The following MEP1B variants were observed in gnomAD, a reference collection of about 807,000 sequenced individuals.
MEP1B encodes the protein N-benzoyl-L-tyrosyl-P-amino-benzoic acid hydrolase subunit beta.
Under a neutral mutation model 84.6 loss-of-function variants are expected in MEP1B, and 80 were observed. That is an observed-to-expected ratio of 0.95 (90% CI 0.79 to 1.14). The LOEUF (loss-of-function observed/expected upper bound fraction) is 1.14. Among genes scored for constraint, MEP1B ranks in the 50% most tolerant of loss-of-function variants. MEP1B has a pLI of 0.00. For missense variants in MEP1B, 766 were observed against 855.1 expected, an observed-to-expected ratio of 0.90 and a Z score of 1.30; for synonymous variants, 273 against 288.1, an observed-to-expected ratio of 0.95 and a Z score of 0.53.
In MEP1B at chr18:32,210,597, A is replaced by T; in HGVS notation, c.1016A>T (p.Gln339Leu). Residue 339 changes from glutamine (Q) to leucine (L), a missense_variant, in exon 10 of 15, where the codon CAG becomes CTG. Transcript: ENST00000269202. Reference sequence around the variant, plus strand: ...ACGCTGTACCCTAAAAGAGGATTTCAGTGCCTGCAATTTTACTTATATAAC... The same window carrying T: ...ACGCTGTACCCTAAAAGAGGATTTCTGTGCCTGCAATTTTACTTATATAAC... Reference protein sequence around the residue: ...SRTLYPKRGFQCLQFYLYNSG... With the variant: ...SRTLYPKRGFLCLQFYLYNSG... The T allele has an allele frequency of 6.2e-7, 1 of 1,614,052 alleles. No individual in the cohort carries two copies.
intron 9 of MEP1B, 42 bp from the exon 10 acceptor site, chr18:32,210,459 C>T (rs755732494): frequency 1.3e-6 from 2 of 1,526,948 alleles, no homozygotes; most frequent in Non-Finnish European, 1.8e-6. Context: ...CATTCCTATA[C>T]CCAGTATCTG....
chr18:32,211,306 A>G (rs994915170), intron 10 of MEP1B, among the ~76,000 whole-genome samples: 2 of 152,112 alleles, frequency 1.3e-5, no homozygotes, highest in Non-Finnish European at 2.9e-5. Context: ...TAAAAATAAA[A>G]TACATAAAAA....
Position 32,213,183 on chromosome 18 carries a change from G to C in MEP1B, c.1203G>C (p.Val401=). 2 of 1,614,026 alleles carry C rather than the reference G, an allele frequency of 1.2e-6. No homozygotes were observed. Among genetic ancestry groups the C allele is most frequent in the South Asian group, 1.1e-5 (1 of 91,074 alleles). The change falls in exon 11 of 15, where the codon GTG becomes GTC. Residue 401 remains valine (V), a synonymous_variant. Transcript: ENST00000269202. The part of the protein sequence containing the change: ...TLKVTKKFRV[V]FEGRKGSGAS... ...AAGTGACCAAGAAGTTTAGAGTGGT[G>C]TTTGAAGGACGCAAAGGCTCTGGTG...
rs184393736 is a variant in MEP1B, at chr18:32,195,610, A to G, written c.250+125A>G. 7 of 575,678 alleles carry G rather than the reference A, an allele frequency of 1.2e-5. No individual in the cohort carries two copies. The African/African-American group carries it at 1.3e-4, about 11-fold the overall frequency. The allele number at this position is 575,678 out of a possible 1,614,324, so 35.7% of individuals were successfully genotyped here. A position where few individuals can be genotyped will look rare whatever the true frequency, so the allele number is the denominator to read the frequency against. On this transcript the variant is annotated intron_variant, in intron 5 of 14. Transcript: ENST00000269202. Reference sequence around the variant, plus strand: ...GTTTGGTTTGCTCCTTTGTGTGGCTATGTACATTTACTTTGAAAAAAAAAA... The same window carrying G: ...GTTTGGTTTGCTCCTTTGTGTGGCTGTGTACATTTACTTTGAAAAAAAAAA...
At position 32,190,054 on chromosome 18, in the gene MEP1B, C is replaced by A; in HGVS notation, c.-17C>A. 10 of 1,609,216 alleles carry A rather than the reference C, an allele frequency of 6.2e-6. No homozygotes were observed. The highest frequency in any genetic ancestry group is 8.5e-6 in the Non-Finnish European group (10 of 1,176,524). ...CCTGAATGTCATAGTTAGCTACTTT[C>A]AACTGGAAGCTACAACATGGATTTA... On this transcript the variant is annotated 5_prime_UTR_variant, in exon 1 of 15. Transcript: ENST00000269202.
At chr18:32,206,898 C>A (rs571284369) in intron 7 of MEP1B, among the ~76,000 whole-genome samples, 4 of 152,294 alleles carry the variant, frequency 2.6e-5, no homozygotes, top group African/African-American at 7.2e-5. Context: ...GCGTGAGCCA[C>A]CACGCCCGGC....
Position 32,196,490 on chromosome 18 carries a change from G to T in MEP1B, c.250+1005G>T. The T allele has an allele frequency of 5.7e-6, 4 of 695,716 alleles. No homozygotes were observed. The highest frequency in any genetic ancestry group is 4.4e-5 in the South Asian group (3 of 67,462). 43.1% of individuals were successfully genotyped at this position (695,716 alleles called of 1,614,324 possible). A position where few individuals can be genotyped will look rare whatever the true frequency, so the allele number is the denominator to read the frequency against. ...CAGGGCCGACCGGAAACTCAGCTTT[G>T]CTCTCATAGACCGAGGTGATGAGGT... On this transcript the variant is annotated intron_variant, in intron 5 of 14. Coordinates refer to ENST00000269202, the MANE Select transcript of MEP1B (RefSeq NM_005925.3). The surrounding 1 kb of genome is among the most constrained non-coding windows in gnomAD (Gnocchi z 4.4).
chr18:32,196,438 T>C lies in MEP1B; in HGVS notation c.250+953T>C. On this transcript the variant is annotated intron_variant, in intron 5 of 14. Transcript: ENST00000269202. The surrounding 1 kb of genome is among the most constrained non-coding windows in gnomAD (Gnocchi z 4.4). ...GCCCAGCTGGGTCTTACAGAGGGTG[T>C]GCAGCCAGCCCTTCCTTCTGGTGCT... 1.4e-6 allele frequency: 1 copy of C among 694,264 alleles called. No individual in the cohort carries two copies. The highest frequency in any genetic ancestry group is 2.7e-6 in the Non-Finnish European group (1 of 376,122). The allele number at this position is 694,264 out of a possible 1,614,324, so 43.0% of individuals were successfully genotyped here. A position where few individuals can be genotyped will look rare whatever the true frequency, so the allele number is the denominator to read the frequency against.
chr18:32,192,001 A>G (rs977309171), intron 2 of MEP1B, among the ~76,000 whole-genome samples, 161 bp downstream of exon 2: 1 of 152,074 alleles, frequency 6.6e-6, no homozygotes, highest in Non-Finnish European at 1.5e-5. Flanking sequence ...TTTATTGTCC[A>G]TGTTCCAGGC....
intron 5 of MEP1B, among the ~76,000 whole-genome samples, chr18:32,198,754 G>A (rs1369382160): frequency 1.3e-5 from 2 of 152,158 alleles, no homozygotes; most frequent in African/African-American, 4.8e-5. Flanking sequence ...AAGTATTATT[G>A]TGGAAGTGAG....
Position 32,208,101 on chromosome 18 carries a change from G to GT in MEP1B, c.767-12dup. 1 of 1,612,012 alleles carries GT rather than the reference G, an allele frequency of 6.2e-7. No individual in the cohort carries two copies. The highest frequency in any genetic ancestry group is 8.5e-7 in the Non-Finnish European group (1 of 1,178,564). On this transcript the variant is annotated splice_polypyrimidine_tract_variant and intron_variant, in intron 8 of 14. Coordinates refer to ENST00000269202, the MANE Select transcript of MEP1B (RefSeq NM_005925.3). The stretch of plus-strand genomic sequence containing the variant: ...TCATGTTGTATGAGTGTCAATAATT[G>GT]TTTTTTGCTTTTTGTAGCCTCTTCC...
chr18:32,195,295 GT>G, intron 4 of MEP1B, 111 bp from the exon 5 acceptor site: 1 of 660,482 alleles, frequency 1.5e-6, no homozygotes, highest in African/African-American at 1.8e-5. Context: ...CACACAATTT[GT>G]TTGTGCGAAC....
intron 5 of MEP1B, among the ~76,000 whole-genome samples, chr18:32,199,763 C>T (rs1259722352): frequency 1.3e-5 from 2 of 150,796 alleles, no homozygotes; most frequent in Admixed American, 6.6e-5. Context: ...CAACCTCTGC[C>T]TCCCAGGCTC....
At chr18:32,210,096 A>G (rs2041009360) in intron 9 of MEP1B, among the ~76,000 whole-genome samples, 1 of 152,202 alleles carries the variant, frequency 6.6e-6, no homozygotes, top group South Asian at 2.1e-4. Context: ...GGTTTTGGAC[A>G]CTTGAAAGGT....
intron 5 of MEP1B, chr18:32,197,080 T>C (rs2040863494): frequency 6.3e-6 from 1 of 159,096 alleles, no homozygotes. Context: ...TTATCAACAT[T>C]TTATTTTGCC....
chr18:32,211,715 C>G (rs1185253717), intron 10 of MEP1B, among the ~76,000 whole-genome samples: 1 of 152,102 alleles, frequency 6.6e-6, no homozygotes, highest in Non-Finnish European at 1.5e-5. Flanking sequence ...TGTTGACCAC[C>G]TATGCAAGTA....
At chr18:32,206,862 G>C (rs894639244) in intron 7 of MEP1B, among the ~76,000 whole-genome samples, 1 of 152,004 alleles carries the variant, frequency 6.6e-6, no homozygotes, top group Admixed American at 6.6e-5. Flanking sequence ...CGCCTGCCTC[G>C]ACCTCCCAAA....
At chr18:32,204,653 C>T (rs1461302928) in intron 7 of MEP1B, among the ~76,000 whole-genome samples, 3 of 152,120 alleles carry the variant, frequency 2.0e-5, no homozygotes, top group Non-Finnish European at 4.4e-5. Flanking sequence ...TTTTGCAAAT[C>T]CCCAAGTCTT....
At position 32,194,692 on chromosome 18, in the gene MEP1B, C is replaced by T. The variant is rs1044001940; in HGVS notation, c.172-715C>T. Among the ~76,000 whole-genome samples, 3 of 152,170 alleles carry T rather than the reference C, an allele frequency of 2.0e-5. No individual in the cohort carries two copies. In the South Asian group the frequency reaches 6.2e-4, roughly 32 times the overall value. The stretch of plus-strand genomic sequence containing the variant: ...CAATGCTGGCTCTGTCTTGCGATCC[C>T]TATTTCCCCTTAAATATCATCCCTT... On this transcript the variant is annotated intron_variant, in intron 4 of 14. Transcript: ENST00000269202.
Sources: gnomAD v4.1 joint callset for allele counts (sites outside exome capture counted in the v4.1 genomes callset) on GRCh38, gnomAD v4.1.1 for gene constraint, Gnocchi (gnomAD v3.1) non-coding constraint, MANE v1.5 for transcripts, NCBI Gene and HGNC (gene_info 2026-07-23, HGNC 2026-07-21) for gene names.